The following CCR5AS variants were observed in gnomAD, a reference collection of about 807,000 sequenced individuals.
CCR5AS encodes CCR5 antisense RNA.
chr3:46,392,013 C>T (rs1345270762), intron 2 of CCR5AS, among the ~76,000 whole-genome samples: 1 of 152,136 alleles, frequency 6.6e-6, no homozygotes, highest in African/African-American at 2.4e-5. Context: ...GCACCTCAGA[C>T]CATTTGCCCA....
chr3:46,400,069 A>G (rs188068657), intron 1 of CCR5AS, among the ~76,000 whole-genome samples: 4 of 152,128 alleles, frequency 2.6e-5, no homozygotes, highest in Non-Finnish European at 4.4e-5. Context: ...TCACAGCTCA[A>G]TGCAATCTCT....
intron 3 of CCR5AS, among the ~76,000 whole-genome samples, chr3:46,367,339 A>AAAAT (rs1701608970): frequency 6.6e-6 from 1 of 150,798 alleles, no homozygotes; most frequent in Non-Finnish European, 1.5e-5. Flanking sequence ...ATAATATAGG[A>AAAAT]AAATGTCTAC....
chr3:46,372,669 C>A, intron 2 of CCR5AS: 1 of 392,600 alleles, frequency 2.5e-6, no homozygotes, highest in Admixed American at 4.0e-5. Context: ...TTCATGAATT[C>A]CCCCAACAGA....
intron 3 of CCR5AS, among the ~76,000 whole-genome samples, chr3:46,367,472 C>T (rs1701611238): frequency 3.3e-5 from 5 of 151,510 alleles, no homozygotes; most frequent in Admixed American, 2.0e-4. Flanking sequence ...TTTTAAAAGA[C>T]ATTGTTTTGA....
chr3:46,385,863 C>T (rs34971514), intron 2 of CCR5AS, among the ~76,000 whole-genome samples: 29,457 of 152,020 alleles, frequency 0.19, 3,665 homozygotes, highest in African/African-American at 0.35. Flanking sequence ...GCCTCAGCCT[C>T]CTGAGCAGCA....
chr3:46,383,148 C>T (rs567978644), intron 2 of CCR5AS, among the ~76,000 whole-genome samples: 1 of 152,338 alleles, frequency 6.6e-6, no homozygotes, highest in African/African-American at 2.4e-5. Flanking sequence ...CAGAGTCAGC[C>T]AGGGGCTCAT....
intron 2 of CCR5AS, chr3:46,373,076 CA>C: frequency 6.2e-7 from 1 of 1,614,166 alleles, no homozygotes; most frequent in Non-Finnish European, 8.5e-7. Flanking sequence ...TGATAAACTG[CA>C]AAAGGCTGAA....
intron 2 of CCR5AS, among the ~76,000 whole-genome samples, chr3:46,377,827 T>A (rs1701777651): frequency 6.6e-6 from 1 of 152,146 alleles, no homozygotes; most frequent in Non-Finnish European, 1.5e-5. Flanking sequence ...TGCCTCAGCC[T>A]CCTGAGTAGC....
intron 2 of CCR5AS, chr3:46,373,470 T>C (rs201797884): frequency 1.5e-6 from 2 of 1,316,454 alleles, no homozygotes; most frequent in Admixed American, 1.8e-5. Flanking sequence ...GTATCAATTC[T>C]GGAAGAATTT....
chr3:46,372,952 C>A (rs369206494), intron 2 of CCR5AS: 160 of 1,610,732 alleles, frequency 9.9e-5, no homozygotes, highest in Middle Eastern at 1.6e-4. Flanking sequence ...TATTATACAT[C>A]GGAGCCCTGC....
intron 1 of CCR5AS, among the ~76,000 whole-genome samples, chr3:46,397,643 C>T (rs1160829961): frequency 1.3e-5 from 2 of 152,190 alleles, no homozygotes; most frequent in Non-Finnish European, 2.9e-5. Context: ...CTCCCCTGAC[C>T]TTGCTCTCCA....
chr3:46,391,180 G>A (rs140530079), intron 2 of CCR5AS, among the ~76,000 whole-genome samples: 1 of 152,334 alleles, frequency 6.6e-6, no homozygotes, highest in African/African-American at 2.4e-5. Flanking sequence ...CCAGTGGCCA[G>A]ATTTCCGGCA....
chr3:46,387,765 A>C (rs1159201997), intron 2 of CCR5AS, among the ~76,000 whole-genome samples: 1 of 152,212 alleles, frequency 6.6e-6, no homozygotes, highest in East Asian at 1.9e-4. Flanking sequence ...GGGTGCAGGC[A>C]GACTGAGTCT....
At chr3:46,368,911 A>G (rs981605895) in intron 3 of CCR5AS, among the ~76,000 whole-genome samples, 1 of 152,182 alleles carries the variant, frequency 6.6e-6, no homozygotes, top group Admixed American at 6.5e-5. Flanking sequence ...ATTGCCACAA[A>G]CAGAAATACA....
chr3:46,396,138 T>C (rs1453631235), intron 1 of CCR5AS, among the ~76,000 whole-genome samples: 2 of 152,218 alleles, frequency 1.3e-5, no homozygotes, highest in Non-Finnish European at 2.9e-5. Context: ...AAAGGGAATA[T>C]TTTTTAAATG....
chr3:46,368,643 T>C (rs1405208438), intron 3 of CCR5AS, among the ~76,000 whole-genome samples: 1 of 152,184 alleles, frequency 6.6e-6, no homozygotes, highest in Admixed American at 6.5e-5. Context: ...CATAGAATCA[T>C]GTAGTATTTA....
chr3:46,397,185 T>C (rs184352072), intron 1 of CCR5AS, among the ~76,000 whole-genome samples: 8 of 152,010 alleles, frequency 5.3e-5, no homozygotes, highest in Admixed American at 4.6e-4. Context: ...CGGGTGCTCT[T>C]GGGACAGCTC....
chr3:46,383,056 G>A (rs533223046), intron 2 of CCR5AS, among the ~76,000 whole-genome samples: 1 of 152,300 alleles, frequency 6.6e-6, no homozygotes, highest in East Asian at 1.9e-4. Context: ...TTCAGATTAG[G>A]ATGTGCTCCC....
chr3:46,380,582 G>C (rs923863421), intron 2 of CCR5AS, among the ~76,000 whole-genome samples: 1 of 152,216 alleles, frequency 6.6e-6, no homozygotes, highest in Non-Finnish European at 1.5e-5. Context: ...AGACTCTGAT[G>C]TCGTGGGTCT....
Sources: gnomAD v4.1 joint callset for allele counts (sites outside exome capture counted in the v4.1 genomes callset) on GRCh38, gnomAD v4.1.1 for gene constraint, MANE v1.5 for transcripts, NCBI Gene and HGNC (gene_info 2026-07-23, HGNC 2026-07-21) for gene names.